Variants in MROH1 observed in about 807,000 individuals in gnomAD.
MROH1 encodes maestro heat like repeat family member 1.
In MROH1, 117 loss-of-function variants were observed where a neutral mutation model predicts 116.5. The observed-to-expected ratio is 1.00, with a 90% CI of 0.86 to 1.17. The LOEUF is 1.17. MROH1 is among the 50% of genes most tolerant of loss of function. The pLI is 0.00. For synonymous variants in MROH1, 921 were observed against 583.9 expected (o/e 1.58, Z -8.32); for missense variants, 1,873 against 1,338.5 (o/e 1.40, Z -6.23).
At chr8:144,221,656 C>A (rs1021677444) in intron 13 of MROH1, among the ~76,000 whole-genome samples, 1 of 152,136 alleles carries the variant, frequency 6.6e-6, no homozygotes, top group Non-Finnish European at 1.5e-5. Flanking sequence ...CACTCCCCAG[C>A]GTTCAGAGCT....
Position 144,247,669 on chromosome 8 carries a change from G to C in MROH1, c.3110G>C (p.Ser1037Thr), listed in dbSNP as rs913389679. 8 of 766,362 alleles carry C rather than the reference G, an allele frequency of 1.0e-5. No homozygotes were observed. The South Asian group carries it at 1.1e-4, about 10-fold the overall frequency. 47.5% of individuals were successfully genotyped at this position (766,362 alleles called of 1,614,324 possible). ...DPAILFHTCH[S>T]VGQIIAKRLP... Reference sequence around the variant, plus strand: ...GCCATTCTCTTCCACACCTGCCACAGTGTAGGCCAGGTACCAGCTGGGAGC... The same window carrying C: ...GCCATTCTCTTCCACACCTGCCACACTGTAGGCCAGGTACCAGCTGGGAGC... The change falls in exon 31 of 44, where the codon AGT (serine) becomes ACT (threonine). Residue 1037 changes from serine to threonine, a missense_variant. Transcript: ENST00000326134.
intron 32 of MROH1, among the ~76,000 whole-genome samples, 163 bp downstream of exon 32, chr8:144,249,192 C>T (rs1292300490): frequency 6.6e-6 from 1 of 152,142 alleles, no homozygotes; most frequent in Non-Finnish European, 1.5e-5. Context: ...GCCCAGCCCT[C>T]CTCGGGTGTG....
chr8:144,255,301 C>G (rs1843523695), intron 34 of MROH1, among the ~76,000 whole-genome samples: 2 of 152,244 alleles, frequency 1.3e-5, no homozygotes, highest in African/African-American at 4.8e-5. Context: ...CCTGTGAAGG[C>G]TGACTGCCCC....
At chr8:144,149,702 G>A (rs1013555818) in intron 1 of MROH1, among the ~76,000 whole-genome samples, 5 of 152,136 alleles carry the variant, frequency 3.3e-5, no homozygotes, top group East Asian at 1.9e-4. Context: ...AAAGGCTCCC[G>A]TGGCTCTTGG....
chr8:144,167,286 G>GGTT (rs1159785834), intron 3 of MROH1, among the ~76,000 whole-genome samples: 1 of 128,356 alleles, frequency 7.8e-6, no homozygotes, highest in Non-Finnish European at 1.6e-5. Context: ...TGGAGTGGCC[G>GGTT]GTTGGGGTGG....
At chr8:144,259,113 G>A (rs1844479961) in intron 36 of MROH1, 127 bp from the exon 37 acceptor site, 1 of 687,738 alleles carries the variant, frequency 1.5e-6, no homozygotes, top group Admixed American at 2.0e-5. Context: ...AGGCATCTCT[G>A]AAACATAGAA....
intron 34 of MROH1, among the ~76,000 whole-genome samples, chr8:144,255,198 C>T (rs1048556096): frequency 4.6e-5 from 7 of 152,206 alleles, no homozygotes; most frequent in Non-Finnish European, 8.8e-5. Flanking sequence ...AAAAAATAAA[C>T]CCAGCTTGGC....
chr8:144,173,539 C>T (rs1022118499), intron 4 of MROH1, among the ~76,000 whole-genome samples: 2 of 152,038 alleles, frequency 1.3e-5, no homozygotes, highest in African/African-American at 2.4e-5. Flanking sequence ...AGTTCTCCTG[C>T]CTCAGCCTCC....
chr8:144,238,780 A>C lies in MROH1; in HGVS notation c.1363A>C (p.Lys455Gln), dbSNP rs1349440709. Residue 455 changes from lysine to glutamine, a missense_variant, in exon 15 of 44, where the codon AAG becomes CAG. By Grantham distance (53) the Lys-to-Gln change is moderately conservative (BLOSUM62 1). Coordinates refer to ENST00000326134, the MANE Select transcript of MROH1 (RefSeq NM_032450.3). ...GCCTGAGAAGCCAGGCCCCGGCAGC[A>C]AGGACCCCAAGGCCGACAGCGTGCG... Reference protein sequence around the residue: ...QEPEKPGPGSKDPKADSVRAI... With the variant: ...QEPEKPGPGSQDPKADSVRAI... 6.5e-6 allele frequency: 5 copies of C among 773,844 alleles called. No homozygotes were observed. The highest frequency in any genetic ancestry group is 1.7e-5 in the African/African-American group (1 of 59,096). 47.9% of individuals were successfully genotyped at this position (773,844 alleles called of 1,614,324 possible).
At position 144,241,596 on chromosome 8, in the gene MROH1, G is replaced by A. The variant is rs2132922433; in HGVS notation, c.2178+79G>A. ...GGCTCAGGGGGTGCCCTGCGGGCTG[G>A]AGTGGGGCAGGAAGCTGGTTGCGTC... On this transcript the variant is annotated intron_variant, in intron 22 of 43. Coordinates refer to ENST00000326134, the MANE Select transcript of MROH1 (RefSeq NM_032450.3). The A allele has an allele frequency of 6.5e-6, 5 of 772,096 alleles. No homozygotes were observed. The Admixed American group carries it at 8.5e-5, about 13-fold the overall frequency. The allele number at this position is 772,096 out of a possible 1,614,324, so 47.8% of individuals were successfully genotyped here.
chr8:144,211,012 G>A (rs913378951), intron 12 of MROH1, among the ~76,000 whole-genome samples: 3 of 152,120 alleles, frequency 2.0e-5, no homozygotes, highest in African/African-American at 4.8e-5. Flanking sequence ...TCCCTCATAA[G>A]CTACAGGTTC....
intron 12 of MROH1, 115 bp from the exon 13 acceptor site, chr8:144,220,485 C>T (rs1836474465): frequency 2.5e-6 from 2 of 785,104 alleles, no homozygotes; most frequent in East Asian, 2.7e-5. Flanking sequence ...TTTCCTTATG[C>T]TCCCTCTTCC....
At chr8:144,213,695 A>G (rs1354064013) in intron 12 of MROH1, among the ~76,000 whole-genome samples, 1 of 152,152 alleles carries the variant, frequency 6.6e-6, no homozygotes, top group Non-Finnish European at 1.5e-5. Flanking sequence ...AGGCTGAGGC[A>G]GGAGGATCAC....
At position 144,182,899 on chromosome 8, in the gene MROH1, A is replaced by C. The variant is rs555055585; in HGVS notation, c.562+2376A>C. ...CAAGACCAGTCTGGCCAACATGGCA[A>C]AACCCCGTCTCTACTAAAAATACAA... On this transcript the variant is annotated intron_variant, in intron 7 of 43. Transcript: ENST00000326134. The surrounding 1 kb of genome is among the most constrained non-coding windows in gnomAD (Gnocchi z 4.1). Among the ~76,000 whole-genome samples the C allele has an allele frequency of 6.6e-6, 1 of 152,340 alleles. No individual in the cohort carries two copies. The highest frequency in any genetic ancestry group is 1.9e-4 in the East Asian group (1 of 5,182).
intron 12 of MROH1, chr8:144,200,817 G>A (rs1830956970): frequency 4.8e-6 from 2 of 420,744 alleles, no homozygotes; most frequent in South Asian, 5.3e-5. Flanking sequence ...CCATGCCTCT[G>A]AGGGTTCCCA....
intron 14 of MROH1, among the ~76,000 whole-genome samples, chr8:144,232,221 C>G (rs1839027172): frequency 6.6e-6 from 1 of 152,166 alleles, no homozygotes; most frequent in Admixed American, 6.6e-5. Context: ...TTCCCGGCCT[C>G]TGGTAACCAC....
At chr8:144,198,797 G>C (rs904980383) in intron 10 of MROH1, among the ~76,000 whole-genome samples, 3 of 152,110 alleles carry the variant, frequency 2.0e-5, no homozygotes, top group Non-Finnish European at 4.4e-5. Flanking sequence ...CTGCTGGTAG[G>C]AGAGGTGGAA....
chr8:144,181,026 G>A (rs1344846714), intron 7 of MROH1, among the ~76,000 whole-genome samples: 4 of 152,176 alleles, frequency 2.6e-5, no homozygotes, highest in Non-Finnish European at 4.4e-5. Context: ...CTGACAGTGG[G>A]GGAGTGGTTG....
rs1031207594 is a variant in MROH1, at chr8:144,254,776, G to A, written c.3429-37G>A. The A allele has an allele frequency of 6.5e-5, 49 of 751,008 alleles. No homozygotes were observed. In the East Asian group the frequency reaches 1.2e-3, roughly 18 times the overall value. 46.5% of individuals were successfully genotyped at this position (751,008 alleles called of 1,614,324 possible). A position where few individuals can be genotyped will look rare whatever the true frequency, so the allele number is the denominator to read the frequency against. ...TGGCGGGGGGCAGGCGCCCTGACCA[G>A]CCACGGCCTCAAAGTGACTCTCCTG... On this transcript the variant is annotated intron_variant, in intron 33 of 43. Coordinates refer to ENST00000326134, the MANE Select transcript of MROH1 (RefSeq NM_032450.3).
Sources: gnomAD v4.1 joint callset for allele counts (sites outside exome capture counted in the v4.1 genomes callset) on GRCh38, gnomAD v4.1.1 for gene constraint, Gnocchi (gnomAD v3.1) non-coding constraint, MANE v1.5 for transcripts, NCBI Gene and HGNC (gene_info 2026-07-23, HGNC 2026-07-21) for gene names.